Variants in CYP2C8 observed in about 807,000 individuals in gnomAD.
CYP2C8 encodes cytochrome P450 family 2 subfamily C member 8, also known as cytochrome P450 2C8.
CYP2C8 carries 51 observed loss-of-function variants against 41.3 expected under a neutral mutation model. The observed-to-expected ratio is 1.24, with a 90% CI of 0.99 to 1.56. The LOEUF is 1.56. CYP2C8 is among the 40% of genes most tolerant of loss of function. The probability of loss-of-function intolerance (pLI) is 0.00; values close to 1 mark genes in which losing one functional copy is unlikely to be tolerated. For synonymous variants in CYP2C8, 218 were observed against 205.8 expected (o/e 1.06, Z -0.51); for missense variants, 651 against 579.9 (o/e 1.12, Z -1.26).
chr10:95,045,495 A>G (rs775040012), intron 6 of CYP2C8, among the ~76,000 whole-genome samples: 2 of 152,222 alleles, frequency 1.3e-5, no homozygotes, highest in African/African-American at 2.4e-5. Context: ...ACTTTTCATA[A>G]TAAAACCAAC....
At position 95,037,211 on chromosome 10, in the gene CYP2C8, AATC is replaced by A; in HGVS notation, c.1387_1389del (p.Asp463del). 6.2e-7 allele frequency: 1 copy of A among 1,613,916 alleles called. No individual in the cohort carries two copies. The highest frequency in any genetic ancestry group is 8.5e-7 in the Non-Finnish European group (1 of 1,179,874). ...ACTGCAGTAGTATTGAGGTTCTTTA[AATC>A]ATCAACAGATTTCAGGTTAAAGTTC... On this transcript the variant is annotated inframe_deletion, in exon 9 of 9. Coordinates refer to ENST00000371270, the MANE Select transcript of CYP2C8 (RefSeq NM_000770.3).
intron 4 of CYP2C8, among the ~76,000 whole-genome samples, chr10:95,063,608 T>A (rs1041150747): frequency 1.3e-5 from 2 of 152,208 alleles, no homozygotes; most frequent in Non-Finnish European, 2.9e-5. Flanking sequence ...GTTGGAGAAA[T>A]TTGATCATCT....
At chr10:95,046,049 A>C in intron 5 of CYP2C8, 98 bp from the exon 6 acceptor site, 1 of 1,357,980 alleles carries the variant, frequency 7.4e-7, no homozygotes, top group Non-Finnish European at 1.0e-6. Flanking sequence ...AGTTAGCCAA[A>C]AGAGATACTG....
chr10:95,069,462 C>T lies in CYP2C8; in HGVS notation c.-60G>A. ...CTTGCACTCCAAAGTTTTTATAACA[C>T]TCCCTGCTAATTTAGTGTGTGTCTC... On this transcript the variant is annotated 5_prime_UTR_variant, in exon 1 of 9. It adds an upstream start codon to the 5' untranslated region. Transcript: ENST00000371270. 1 of 1,341,266 alleles carries T rather than the reference C, an allele frequency of 7.5e-7. No homozygotes were observed. The allele number at this position is 1,341,266 out of a possible 1,614,324, so 83.1% of individuals were successfully genotyped here.
Position 95,042,904 on chromosome 10 carries a change from A to G in CYP2C8, c.1135T>C (p.Tyr379His). 6.2e-7 allele frequency: 1 copy of G among 1,613,542 alleles called. No individual in the cohort carries two copies. The highest frequency in any genetic ancestry group is 8.5e-7 in the Non-Finnish European group (1 of 1,179,422). Residue 379 changes from tyrosine to histidine, a missense_variant, in exon 7 of 9, where the codon TAC becomes CAC. Coordinates refer to ENST00000371270, the MANE Select transcript of CYP2C8 (RefSeq NM_000770.3). Reference sequence around the variant, plus strand: ...AACAAGCTTACCTTGGGGATGAGGTAGTTTCTGAACTTAGTATCAGTGGTC... The same window carrying G: ...AACAAGCTTACCTTGGGGATGAGGTGGTTTCTGAACTTAGTATCAGTGGTC... Reference protein sequence around the residue: ...AVTTDTKFRNYLIPKGTTIMA... With the variant: ...AVTTDTKFRNHLIPKGTTIMA...
chr10:95,048,245 G>A (rs1477083097), intron 5 of CYP2C8, among the ~76,000 whole-genome samples: 1 of 152,158 alleles, frequency 6.6e-6, no homozygotes, highest in African/African-American at 2.4e-5. Flanking sequence ...TCTTCCTTCT[G>A]AGGATAATTG....
chr10:95,039,204 G>T (rs1198796154), intron 7 of CYP2C8, 166 bp from the exon 8 acceptor site: 18 of 651,834 alleles, frequency 2.8e-5, no homozygotes, highest in Non-Finnish European at 4.6e-5. Flanking sequence ...GTGGAAGCTT[G>T]CTAAAGAGCT....
At chr10:95,059,369 T>G (rs2033376536) in intron 4 of CYP2C8, among the ~76,000 whole-genome samples, 1 of 152,172 alleles carries the variant, frequency 6.6e-6, no homozygotes, top group African/African-American at 2.4e-5. Context: ...CATTGTGGTT[T>G]TGATTTGCAT....
At chr10:95,061,103 G>T (rs143042734) in intron 4 of CYP2C8, among the ~76,000 whole-genome samples, 57,461 of 151,920 alleles carry the variant, frequency 0.38, 11,240 homozygotes, top group Middle Eastern at 0.51. Context: ...TAAAATTCTC[G>T]TTTTTTGTTG....
intron 5 of CYP2C8, among the ~76,000 whole-genome samples, chr10:95,054,759 G>T (rs933914440): frequency 6.6e-6 from 1 of 152,078 alleles, no homozygotes; most frequent in African/African-American, 2.4e-5. Context: ...GTTTATATCA[G>T]CAATGAGCAA....
chr10:95,061,575 A>T (rs2033436172), intron 4 of CYP2C8, among the ~76,000 whole-genome samples: 1 of 151,890 alleles, frequency 6.6e-6, no homozygotes, highest in African/African-American at 2.4e-5. Context: ...AATTTTGTTG[A>T]TCTTCAAAAA....
intron 7 of CYP2C8, among the ~76,000 whole-genome samples, chr10:95,042,179 T>G (rs774456085): frequency 1.2e-4 from 18 of 152,188 alleles, no homozygotes; most frequent in Non-Finnish European, 2.2e-4. Context: ...CTGAAAATCC[T>G]AGCCAGCACA....
At chr10:95,065,249 A>G (rs1352867193) in intron 3 of CYP2C8, among the ~76,000 whole-genome samples, 1 of 152,234 alleles carries the variant, frequency 6.6e-6, no homozygotes, top group East Asian at 1.9e-4. Flanking sequence ...AAGGAAAAAG[A>G]AGACTTTTTT....
At chr10:95,069,133 A>T (rs1698035371) in intron 1 of CYP2C8, 102 bp downstream of exon 1, 11 of 1,311,674 alleles carry the variant, frequency 8.4e-6, no homozygotes, top group Non-Finnish European at 1.2e-5. Flanking sequence ...CTTTACAATG[A>T]TCTATTATAA....
intron 3 of CYP2C8, among the ~76,000 whole-genome samples, chr10:95,066,153 A>AGAGAGTGTGT (rs1342809282): frequency 6.9e-4 from 61 of 88,270 alleles, no homozygotes; most frequent in Non-Finnish European, 9.4e-4. Context: ...AGAGAGAGAG[A>AGAGAGTGTGT]GTGTGTGTGT....
chr10:95,069,273 G>A lies in CYP2C8; in HGVS notation c.130C>T (p.Gln44Ter). The change falls in exon 1 of 9, where the codon CAG becomes TAG. Residue 44 changes from glutamine to a stop codon, truncating the protein, a stop_gained. Transcript: ENST00000371270. LOFTEE classifies it high-confidence loss of function. ...TTGCAGATGTCCTTAACATCTATCT[G>A]TAGCATATTTCCAATAATAGGAAGA... ...TPLPIIGNML[Q>*]IDVKDICKSF... 6.2e-7 allele frequency: 1 copy of A among 1,614,042 alleles called. No individual in the cohort carries two copies. Among genetic ancestry groups the A allele is most frequent in the East Asian group, 2.2e-5 (1 of 44,884 alleles).
At chr10:95,045,710 A>T in intron 6 of CYP2C8, 100 bp downstream of exon 6, 1 of 1,439,188 alleles carries the variant, frequency 6.9e-7, no homozygotes, top group Non-Finnish European at 9.7e-7. Context: ...ACAGAAATTT[A>T]AAGAATGAGC....
At chr10:95,066,881 T>C (rs1324764404) in intron 3 of CYP2C8, among the ~76,000 whole-genome samples, 2 of 152,222 alleles carry the variant, frequency 1.3e-5, no homozygotes, top group Non-Finnish European at 2.9e-5. Flanking sequence ...ATTTATGCTA[T>C]GGGGGAAACC....
intron 4 of CYP2C8, among the ~76,000 whole-genome samples, chr10:95,062,030 T>A (rs1281574874): frequency 1.3e-5 from 2 of 152,232 alleles, no homozygotes; most frequent in African/African-American, 4.8e-5. Flanking sequence ...TCTGTTCTTT[T>A]ACATCTGCTG....
Sources: gnomAD v4.1 joint callset for allele counts (sites outside exome capture counted in the v4.1 genomes callset) on GRCh38, gnomAD v4.1.1 for gene constraint, MANE v1.5 for transcripts, NCBI Gene and HGNC (gene_info 2026-07-23, HGNC 2026-07-21) for gene names.